The following PRSS12 variants were observed in gnomAD, a reference collection of about 807,000 sequenced individuals.
PRSS12 encodes the protein neurotrypsin.
Under a neutral mutation model 104.4 loss-of-function variants are expected in PRSS12, and 85 were observed. The ratio of observed to expected loss-of-function variants is 0.81; its 90% CI spans 0.68 to 0.98. PRSS12 has a LOEUF of 0.98. Ranked by LOEUF, PRSS12 falls within the 50% of genes least tolerant of loss-of-function variation. The pLI, the probability that PRSS12 is intolerant of heterozygous loss-of-function variation, is 0.00. For missense variants in PRSS12, 1,141 were observed against 1,139.2 expected (o/e 1.00, Z -0.02); for synonymous variants, 454 against 425.2 (o/e 1.07, Z -0.83).
intron 8 of PRSS12, among the ~76,000 whole-genome samples, chr4:118,305,522 C>T (rs552388082): frequency 6.6e-6 from 1 of 152,154 alleles, no homozygotes; most frequent in South Asian, 2.1e-4. Context: ...TGGACATATG[C>T]ATGTATCTGT....
Position 118,313,184 on chromosome 4 carries a change from C to T in PRSS12, c.1489+17G>A, listed in dbSNP as rs767465517. 3 of 1,611,712 alleles carry T rather than the reference C, an allele frequency of 1.9e-6. No individual in the cohort carries two copies. Among genetic ancestry groups the T allele is most frequent in the East Asian group, 2.2e-5 (1 of 44,760 alleles). ...CTACTGAATGATGGAAACTTGAGAG[C>T]TGCAGCCAGTCCTCACCCAGAGAGA... On this transcript the variant is annotated intron_variant, in intron 7 of 12. Coordinates refer to ENST00000296498, the MANE Select transcript of PRSS12 (RefSeq NM_003619.4).
intron 1 of PRSS12, among the ~76,000 whole-genome samples, chr4:118,344,028 T>A (rs1375635215): frequency 2.0e-5 from 3 of 152,200 alleles, no homozygotes; most frequent in Non-Finnish European, 4.4e-5. Context: ...TTAGTTTTAG[T>A]CATTTCTATT....
chr4:118,292,417 T>C (rs1185123945), intron 11 of PRSS12, among the ~76,000 whole-genome samples: 1 of 152,170 alleles, frequency 6.6e-6, no homozygotes, highest in African/African-American at 2.4e-5. Context: ...GCTAAATGAA[T>C]CTAACATTTT....
intron 1 of PRSS12, among the ~76,000 whole-genome samples, chr4:118,341,110 G>A (rs1724195688): frequency 6.6e-6 from 1 of 152,160 alleles, no homozygotes; most frequent in Non-Finnish European, 1.5e-5. Flanking sequence ...GGAAACAAGG[G>A]GTTCTGGTGT....
chr4:118,292,939 G>T (rs1056730720), intron 11 of PRSS12, among the ~76,000 whole-genome samples: 7 of 151,926 alleles, frequency 4.6e-5, no homozygotes, highest in Non-Finnish European at 7.4e-5. Flanking sequence ...CCTTAAACCT[G>T]GCAGGGCAGA....
chr4:118,335,853 G>A (rs183409308), intron 2 of PRSS12, among the ~76,000 whole-genome samples: 41 of 152,282 alleles, frequency 2.7e-4, no homozygotes, highest in African/African-American at 9.9e-4. Flanking sequence ...CCTACTTATG[G>A]AATTCTTTTC....
Position 118,298,858 on chromosome 4 carries a change from C to T in PRSS12, c.1712G>A (p.Gly571Glu), listed in dbSNP as rs1743320179. 2 of 1,614,164 alleles carry T rather than the reference C, an allele frequency of 1.2e-6. No individual in the cohort carries two copies. Among genetic ancestry groups the T allele is most frequent in the South Asian group, 1.1e-5 (1 of 91,076 alleles). Residue 571 changes from glycine (G) to glutamate (E), a missense_variant, in exon 9 of 13, where the codon GGA becomes GAA. Gly to Glu is a moderately conservative substitution (Grantham distance 98). Coordinates refer to ENST00000296498, the MANE Select transcript of PRSS12 (RefSeq NM_003619.4). ...ACAGTCAGCCAAGGACCTCTCATTT[C>T]CTGTGCACTTCACATTATCCACATG... Reference protein sequence around the residue: ...PIHVDNVKCTGNERSLADCIK... With the variant: ...PIHVDNVKCTENERSLADCIK...
intron 1 of PRSS12, among the ~76,000 whole-genome samples, chr4:118,340,984 G>A (rs1478945269): frequency 6.6e-6 from 1 of 152,118 alleles, no homozygotes; most frequent in East Asian, 1.9e-4. Context: ...CTCTGGAATG[G>A]GGGTCTTATG....
intron 1 of PRSS12, among the ~76,000 whole-genome samples, 156 bp from the exon 2 acceptor site, chr4:118,338,470 T>C (rs535412338): frequency 6.6e-6 from 1 of 152,332 alleles, no homozygotes; most frequent in South Asian, 2.1e-4. Flanking sequence ...TTTCTTCCTT[T>C]AAGTGAGGAT....
At chr4:118,302,318 AG>A (rs1389001766) in intron 8 of PRSS12, among the ~76,000 whole-genome samples, 6 of 152,134 alleles carry the variant, frequency 3.9e-5, no homozygotes, top group African/African-American at 1.4e-4. Flanking sequence ...ATTGAGGTAT[AG>A]TTTTCTTTTT....
At position 118,283,027 on chromosome 4, in the gene PRSS12, T is replaced by TC. The variant is rs778397478; in HGVS notation, c.2123dup (p.Val709SerfsTer16). Reference sequence around the variant, plus strand: ...CCCGATGAATCACAATCTGTTGAACTCCAATTTCTTCCTCAAACTCCTCTG... The same window carrying TC: ...CCCGATGAATCACAATCTGTTGAACTCCCAATTTCTTCCTCAAACTCCTCTG... On this transcript the variant is annotated frameshift_variant, in exon 12 of 13. Coordinates refer to ENST00000296498, the MANE Select transcript of PRSS12 (RefSeq NM_003619.4). LOFTEE classifies it high-confidence loss of function. 2 of 1,614,186 alleles carry TC rather than the reference T, an allele frequency of 1.2e-6. No homozygotes were observed. Among genetic ancestry groups the TC allele is most frequent in the South Asian group, 1.1e-5 (1 of 91,084 alleles).
Position 118,352,277 on chromosome 4 carries a change from C to T in PRSS12, c.444G>A (p.Trp148Ter). 1 of 1,610,000 alleles carries T rather than the reference C, an allele frequency of 6.2e-7. No individual in the cohort carries two copies. Among genetic ancestry groups the T allele is most frequent in the Non-Finnish European group, 8.5e-7 (1 of 1,179,232 alleles). Residue 148 changes from tryptophan (W) to a stop codon, truncating the protein, a stop_gained, in exon 1 of 13, where the codon TGG becomes TGA. Coordinates refer to ENST00000296498, the MANE Select transcript of PRSS12 (RefSeq NM_003619.4). LOFTEE classifies it high-confidence loss of function. ...TGCCACGGGCGTCTCCGTAGAAACA[C>T]CAGGGTCTGCCCGCGCCGTCGGGGC... ...CRSPDGAGRP[W>*]CFYGDARGKV...
chr4:118,299,784 T>TAAAATAAAAG (rs1743357968), intron 8 of PRSS12, among the ~76,000 whole-genome samples: 1 of 89,038 alleles, frequency 1.1e-5, no homozygotes, highest in Non-Finnish European at 2.5e-5. Flanking sequence ...TAAAATAAAA[T>TAAAATAAAAG]AAAATAAAAT....
At position 118,352,898 on chromosome 4, in the gene PRSS12, CG is replaced by C; in HGVS notation, c.-179del. 1 of 1,400,026 alleles carries C rather than the reference CG, an allele frequency of 7.1e-7. No homozygotes were observed. 86.7% of individuals were successfully genotyped at this position (1,400,026 alleles called of 1,614,324 possible). On this transcript the variant is annotated 5_prime_UTR_variant, in exon 1 of 13. Transcript: ENST00000296498. ...GCCTCCCGCCGCTGGTGCCCTGCCG[CG>C]CCTCGGCTCCTGTCCCCTGGCGGCG...
At chr4:118,333,394 A>G (rs1322280568) in intron 3 of PRSS12, among the ~76,000 whole-genome samples, 1 of 152,218 alleles carries the variant, frequency 6.6e-6, no homozygotes, top group Non-Finnish European at 1.5e-5. Context: ...TGAGTTTTGT[A>G]CACGTGCTGC....
intron 6 of PRSS12, among the ~76,000 whole-genome samples, chr4:118,315,152 G>T (rs904651733): frequency 6.6e-6 from 1 of 152,030 alleles, no homozygotes; most frequent in Non-Finnish European, 1.5e-5. Flanking sequence ...CTAATATTAA[G>T]TAAATTACAG....
At chr4:118,349,531 G>A (rs1724439866) in intron 1 of PRSS12, among the ~76,000 whole-genome samples, 1 of 152,050 alleles carries the variant, frequency 6.6e-6, no homozygotes, top group Admixed American at 6.5e-5. Context: ...TACAAAATGA[G>A]GATTACTACA....
intron 4 of PRSS12, among the ~76,000 whole-genome samples, chr4:118,328,015 T>A (rs1723820500): frequency 6.6e-6 from 1 of 152,276 alleles, no homozygotes; most frequent in Non-Finnish European, 1.5e-5. Flanking sequence ...ACAAGGCAGA[T>A]AAAACTGAGA....
intron 7 of PRSS12, among the ~76,000 whole-genome samples, chr4:118,312,613 A>C (rs1743775004): frequency 6.6e-6 from 1 of 152,188 alleles, no homozygotes; most frequent in African/African-American, 2.4e-5. Flanking sequence ...AAGTCTAAAA[A>C]AATGTAAATG....
Sources: allele counts gnomAD v4.1 joint callset (sites outside exome capture counted in the v4.1 genomes callset), GRCh38; gene constraint gnomAD v4.1.1; transcripts MANE v1.5; gene names NCBI Gene and HGNC (gene_info 2026-07-23, HGNC 2026-07-21).